The following DGKB variants were observed in gnomAD, a reference collection of about 807,000 sequenced individuals.
The protein encoded by DGKB is diacylglycerol kinase beta, also known as 90 kDa diacylglycerol kinase.
A neutral mutation model predicts 114.3 loss-of-function variants in DGKB; 67 were observed. The observed-to-expected ratio is 0.59, with a 90% CI of 0.48 to 0.72. The LOEUF (loss-of-function observed/expected upper bound fraction) is 0.72. Among genes scored for constraint, DGKB ranks in the 30% least tolerant of loss-of-function variants. The probability of loss-of-function intolerance (pLI) is 0.00; values close to 1 mark genes in which losing one functional copy is unlikely to be tolerated. For synonymous variants in DGKB, 398 were observed against 323.1 expected, an observed-to-expected ratio of 1.23 and a Z score of -2.49; for missense variants, 907 against 975.2, an observed-to-expected ratio of 0.93 and a Z score of 0.93.
At chr7:14,937,050 A>G (rs1785308787) in intron 1 of DGKB, among the ~76,000 whole-genome samples, 1 of 148,432 alleles carries the variant, frequency 6.7e-6, no homozygotes. Context: ...ACACACACAC[A>G]CACACACACA....
At chr7:14,468,549 T>C (rs940757896) in intron 21 of DGKB, among the ~76,000 whole-genome samples, 9 of 151,048 alleles carry the variant, frequency 6.0e-5, no homozygotes, top group African/African-American at 1.7e-4. Flanking sequence ...AAAATTATTA[T>C]ATATAATATT....
chr7:14,420,955 C>A (rs1448648912), intron 21 of DGKB, among the ~76,000 whole-genome samples: 1 of 152,068 alleles, frequency 6.6e-6, no homozygotes, highest in East Asian at 1.9e-4. Flanking sequence ...AACCCCCACC[C>A]CCTTCCACTG....
chr7:14,965,080 G>A (rs1562908947), intron 1 of DGKB, among the ~76,000 whole-genome samples: 2 of 152,088 alleles, frequency 1.3e-5, no homozygotes, highest in Non-Finnish European at 2.9e-5. Flanking sequence ...TTTCATTTGG[G>A]AGGATCAGAA....
intron 21 of DGKB, among the ~76,000 whole-genome samples, chr7:14,449,683 T>A (rs1444669786): frequency 1.3e-5 from 2 of 152,122 alleles, no homozygotes; most frequent in African/African-American, 2.4e-5. Context: ...TAAGACAAGA[T>A]AATTTCTAAA....
intron 6 of DGKB, among the ~76,000 whole-genome samples, chr7:14,706,381 C>T (rs1258145796): frequency 1.4e-5 from 2 of 145,262 alleles, no homozygotes; most frequent in Non-Finnish European, 1.5e-5. Flanking sequence ...ACTTTAACAC[C>T]CCACTGTCAA....
At chr7:14,932,930 G>T (rs36866) in intron 1 of DGKB, among the ~76,000 whole-genome samples, 1 of 152,032 alleles carries the variant, frequency 6.6e-6, no homozygotes. Context: ...CTATTTGGTC[G>T]GTCCAGTAAT....
chr7:14,674,946 G>A (rs191680750), intron 12 of DGKB, among the ~76,000 whole-genome samples: 1 of 152,148 alleles, frequency 6.6e-6, no homozygotes, highest in Non-Finnish European at 1.5e-5. Flanking sequence ...TTTTGTTACA[G>A]CAGCCCTAGG....
intron 21 of DGKB, among the ~76,000 whole-genome samples, chr7:14,416,572 T>G (rs1274161102): frequency 6.6e-6 from 1 of 151,998 alleles, no homozygotes; most frequent in Non-Finnish European, 1.5e-5. Flanking sequence ...AATTGAATCA[T>G]GGGGGTGGTT....
intron 23 of DGKB, among the ~76,000 whole-genome samples, chr7:14,295,709 AATT>A (rs1802424024): frequency 6.6e-6 from 1 of 152,050 alleles, no homozygotes; most frequent in South Asian, 2.1e-4. Flanking sequence ...CTTTTTAAAA[AATT>A]ATTATTATTA....
intron 21 of DGKB, among the ~76,000 whole-genome samples, chr7:14,416,170 A>G (rs973384986): frequency 2.6e-5 from 4 of 152,090 alleles, no homozygotes; most frequent in Admixed American, 1.3e-4. Context: ...TCTGGATATT[A>G]GCCCTTTGTC....
At position 14,576,186 on chromosome 7, in the gene DGKB, T is replaced by C. The variant is rs1162573907; in HGVS notation, c.1610-1814A>G. Among the ~76,000 whole-genome samples, 10 of 152,170 alleles carry C rather than the reference T, an allele frequency of 6.6e-5. 1 individual carries two copies. In the East Asian group the frequency reaches 1.9e-3, roughly 29 times the overall value. On this transcript the variant is annotated intron_variant, in intron 19 of 25. Coordinates refer to ENST00000402815, the MANE Select transcript of DGKB (RefSeq NM_001350709.2). ...ATACTATTTAAAAAGCTATCATATA[T>C]TTTACAGTATAATTTGAAGCTGTTA...
intron 21 of DGKB, among the ~76,000 whole-genome samples, chr7:14,424,310 C>T (rs547770810): frequency 4.6e-5 from 7 of 152,188 alleles, no homozygotes; most frequent in Admixed American, 3.9e-4. Flanking sequence ...TTGAGTACAC[C>T]TAATGTGGAT....
intron 20 of DGKB, among the ~76,000 whole-genome samples, chr7:14,563,643 GT>G (rs66549760): frequency 0.37 from 46,597 of 125,550 alleles, 7,877 homozygotes; most frequent in South Asian, 0.5. Flanking sequence ...ATACAACTCT[GT>G]TTTTTTTTTT....
At chr7:14,830,189 A>G (rs1053740480) in intron 2 of DGKB, among the ~76,000 whole-genome samples, 1 of 152,032 alleles carries the variant, frequency 6.6e-6, no homozygotes, top group Non-Finnish European at 1.5e-5. Flanking sequence ...CCCATTAGAA[A>G]CAGCTAATCT....
chr7:14,649,432 G>A lies in DGKB; in HGVS notation c.1135-19164C>T, dbSNP rs578185152. On this transcript the variant is annotated intron_variant, in intron 13 of 25. Coordinates refer to ENST00000402815, the MANE Select transcript of DGKB (RefSeq NM_001350709.2). ...TGAAGGAGAAATAAAATACTTTACA[G>A]ACAAGCAAATGCTGAGAGATTTTGT... Among the ~76,000 whole-genome samples, 185 of 150,542 alleles carry A rather than the reference G, an allele frequency of 1.2e-3. 2 individuals carry two copies. In the South Asian group the frequency reaches 0.018, roughly 14 times the overall value.
At chr7:14,710,633 T>C (rs961178708) in intron 6 of DGKB, among the ~76,000 whole-genome samples, 2 of 152,126 alleles carry the variant, frequency 1.3e-5, no homozygotes, top group African/African-American at 4.8e-5. Flanking sequence ...GGGTGTTTCT[T>C]ATATATACAC....
chr7:14,387,495 C>T (rs1394627255), intron 21 of DGKB, among the ~76,000 whole-genome samples: 4 of 151,834 alleles, frequency 2.6e-5, no homozygotes, highest in Non-Finnish European at 2.9e-5. Context: ...TCACTGAAGC[C>T]TCAATTTCCT....
At chr7:14,730,125 T>C (rs1830694733) in intron 5 of DGKB, among the ~76,000 whole-genome samples, 1 of 152,184 alleles carries the variant, frequency 6.6e-6, no homozygotes, top group Admixed American at 6.5e-5. Context: ...TTTAAATGAG[T>C]TAATATACTA....
At chr7:14,854,440 A>C (rs2128166422) in intron 1 of DGKB, among the ~76,000 whole-genome samples, 1 of 152,244 alleles carries the variant, frequency 6.6e-6, no homozygotes, top group South Asian at 2.1e-4. Context: ...TCCATGGACG[A>C]GGGGTGGAGG....
Sources: gnomAD v4.1 joint callset for allele counts (sites outside exome capture counted in the v4.1 genomes callset) on GRCh38, gnomAD v4.1.1 for gene constraint, MANE v1.5 for transcripts, NCBI Gene and HGNC (gene_info 2026-07-23, HGNC 2026-07-21) for gene names.